Variants in ZBTB7C observed in about 807,000 individuals in gnomAD.
The protein encoded by ZBTB7C is zinc finger and BTB domain-containing protein 7C.
ZBTB7C carries 8 observed loss-of-function variants against 25.7 expected under a neutral mutation model. The ratio of observed to expected loss-of-function variants is 0.31; its 90% CI spans 0.18 to 0.56. The LOEUF (loss-of-function observed/expected upper bound fraction) is 0.56. ZBTB7C is among the 20% of genes least tolerant of loss of function. The pLI, the probability that ZBTB7C is intolerant of heterozygous loss-of-function variation, is 0.91. For synonymous variants in ZBTB7C, 394 were observed against 369.0 expected, an observed-to-expected ratio of 1.07 and a Z score of -0.78; for missense variants, 824 against 855.2, an observed-to-expected ratio of 0.96 and a Z score of 0.46.
At chr18:48,181,407 T>C (rs1346823322) in intron 3 of ZBTB7C, among the ~76,000 whole-genome samples, 1 of 152,170 alleles carries the variant, frequency 6.6e-6, no homozygotes, top group Non-Finnish European at 1.5e-5. Flanking sequence ...CCCCACTCAG[T>C]GGACAAGGGA....
chr18:48,063,290 C>G (rs1239282946), intron 3 of ZBTB7C, among the ~76,000 whole-genome samples: 1 of 152,244 alleles, frequency 6.6e-6, no homozygotes, highest in Non-Finnish European at 1.5e-5. Flanking sequence ...ACTAGACAAA[C>G]AGCGCAGGGG....
At position 48,358,779 on chromosome 18, in the gene ZBTB7C, T is replaced by C. The variant is rs562110989; in HGVS notation, c.-303-20381A>G. On this transcript the variant is annotated intron_variant, in intron 1 of 4. Coordinates refer to ENST00000590800, the MANE Select transcript of ZBTB7C (RefSeq NM_001318841.2). ...CAAATGTTTTAAAATTAGAGAGTGG[T>C]GACAAGCCTGTGAATATACTAAAAA... 9.2e-4 allele frequency among the ~76,000 whole-genome samples: 140 copies of C among 152,304 alleles called. 1 individual carries two copies. Among genetic ancestry groups the C allele is most frequent in the African/African-American group, 3.0e-3 (123 of 41,560 alleles).
At chr18:48,250,218 T>C (rs1337059062) in intron 2 of ZBTB7C, among the ~76,000 whole-genome samples, 1 of 152,180 alleles carries the variant, frequency 6.6e-6, no homozygotes, top group Admixed American at 6.5e-5. Flanking sequence ...TAGAATGGGA[T>C]TGGGGGTCCA....
chr18:48,332,100 T>C (rs1217341277), intron 2 of ZBTB7C, among the ~76,000 whole-genome samples: 1 of 152,254 alleles, frequency 6.6e-6, no homozygotes, highest in Non-Finnish European at 1.5e-5. Context: ...TACAGTAGGT[T>C]GGCTTGAATC....
At chr18:48,077,576 A>C (rs183627231) in intron 3 of ZBTB7C, among the ~76,000 whole-genome samples, 73 of 152,308 alleles carry the variant, frequency 4.8e-4, no homozygotes, top group African/African-American at 1.7e-3. Flanking sequence ...ATGAACAGAG[A>C]AGTGAAGTGA....
intron 2 of ZBTB7C, among the ~76,000 whole-genome samples, chr18:48,321,054 C>G (rs964148638): frequency 4.6e-5 from 7 of 152,260 alleles, no homozygotes; most frequent in Non-Finnish European, 2.9e-5. Context: ...TTGAAATCAC[C>G]TAGAGAAATT....
chr18:48,337,427 C>T (rs556394963), intron 2 of ZBTB7C, among the ~76,000 whole-genome samples: 3 of 152,326 alleles, frequency 2.0e-5, no homozygotes, highest in Admixed American at 6.5e-5. Flanking sequence ...TTGGGGTCTC[C>T]AGCCTACTGG....
chr18:48,377,664 C>A (rs113991631), intron 1 of ZBTB7C, among the ~76,000 whole-genome samples: 6 of 152,238 alleles, frequency 3.9e-5, no homozygotes, highest in African/African-American at 1.2e-4. Flanking sequence ...ATGGGAAGAA[C>A]TGGAGAAGAA....
intron 3 of ZBTB7C, among the ~76,000 whole-genome samples, chr18:48,109,497 C>A (rs1024986094): frequency 8.5e-5 from 13 of 152,100 alleles, no homozygotes; most frequent in African/African-American, 2.4e-5. Context: ...ATGACTTTTG[C>A]CCTTAAAAAT....
At position 48,155,589 on chromosome 18, in the gene ZBTB7C, C is replaced by A. The variant is rs541912776; in HGVS notation, c.-17+30345G>T. On this transcript the variant is annotated intron_variant, in intron 3 of 4. Transcript: ENST00000590800. ...TGACCTCATGATCTGCCCGCCTCAG[C>A]CTCCCAAAGTGCTGGGATTACAGGC... Among the ~76,000 whole-genome samples, 308 of 152,176 alleles carry A rather than the reference C, an allele frequency of 2.0e-3. 3 individuals carry two copies. Among genetic ancestry groups the A allele is most frequent in the African/African-American group, 7.0e-3 (290 of 41,522 alleles).
At chr18:48,143,930 C>T (rs1163242978) in intron 3 of ZBTB7C, among the ~76,000 whole-genome samples, 2 of 152,186 alleles carry the variant, frequency 1.3e-5, no homozygotes, top group African/African-American at 4.8e-5. Context: ...TGCAGTCCGG[C>T]CCAACTCTGA....
At chr18:48,203,716 A>G (rs1353425483) in intron 2 of ZBTB7C, 3 of 151,974 alleles carry the variant, frequency 2.0e-5, no homozygotes, top group African/African-American at 7.3e-5. Context: ...GCTCCACCAC[A>G]GCACCTGTCC....
intron 2 of ZBTB7C, among the ~76,000 whole-genome samples, chr18:48,287,570 G>A (rs2045094330): frequency 6.6e-6 from 1 of 152,168 alleles, no homozygotes; most frequent in Non-Finnish European, 1.5e-5. Context: ...AACCCATTTT[G>A]TAAGGTGAAT....
At chr18:48,275,619 T>G (rs1226966356) in intron 2 of ZBTB7C, among the ~76,000 whole-genome samples, 1 of 152,214 alleles carries the variant, frequency 6.6e-6, no homozygotes, top group East Asian at 1.9e-4. Context: ...TCCACACTAC[T>G]TTAAGTATGC....
At chr18:48,367,202 T>TATATATATATATACACACACACAC in intron 1 of ZBTB7C, among the ~76,000 whole-genome samples, 1 of 63,406 alleles carries the variant, frequency 1.6e-5, no homozygotes, top group African/African-American at 6.1e-5. Flanking sequence ...TATATATATA[T>TATATATATATATACACACACACAC]ACACACACAC....
intron 2 of ZBTB7C, among the ~76,000 whole-genome samples, chr18:48,296,830 G>C (rs1050656920): frequency 6.6e-6 from 1 of 151,982 alleles, no homozygotes; most frequent in East Asian, 1.9e-4. Context: ...GCAGAGCCAT[G>C]AGAGTCTCAC....
At chr18:48,278,109 T>C (rs2044721625) in intron 2 of ZBTB7C, among the ~76,000 whole-genome samples, 1 of 152,212 alleles carries the variant, frequency 6.6e-6, no homozygotes, top group Non-Finnish European at 1.5e-5. Flanking sequence ...GCCATGAGGT[T>C]TGTTCTGACC....
intron 2 of ZBTB7C, among the ~76,000 whole-genome samples, chr18:48,291,892 A>G (rs1192312007): frequency 6.6e-6 from 1 of 152,166 alleles, no homozygotes; most frequent in Non-Finnish European, 1.5e-5. Context: ...TAGGGGACTC[A>G]GCCTCTTAAA....
At chr18:48,236,455 A>G (rs2043381554) in intron 2 of ZBTB7C, among the ~76,000 whole-genome samples, 1 of 152,218 alleles carries the variant, frequency 6.6e-6, no homozygotes, top group African/African-American at 2.4e-5. Context: ...TAGTTCAAGA[A>G]CTCAACAAAG....
Sources: gnomAD v4.1 joint callset for allele counts (sites outside exome capture counted in the v4.1 genomes callset) on GRCh38, gnomAD v4.1.1 for gene constraint, MANE v1.5 for transcripts, NCBI Gene and HGNC (gene_info 2026-07-23, HGNC 2026-07-21) for gene names.